RGS6: variants seen among roughly 807,000 people sequenced by gnomAD.
The protein encoded by RGS6 is regulator of G protein signaling 6, also known as regulator of G-protein signaling 6.
In RGS6, 30 loss-of-function variants were observed where a neutral mutation model predicts 78.5. That is an observed-to-expected ratio of 0.38 (90% confidence interval 0.29 to 0.52). The LOEUF (loss-of-function observed/expected upper bound fraction) is 0.52, where lower values mean the gene tolerates loss of function less well. Among genes scored for constraint, RGS6 ranks in the 20% least tolerant of loss-of-function variants. The pLI, the probability that RGS6 is intolerant of heterozygous loss-of-function variation, is 0.85. For missense variants in RGS6, 495 were observed against 609.7 expected (o/e 0.81, Z 1.98); for synonymous variants, 206 against 206.0 (o/e 1.00, Z 0.00).
intron 3 of RGS6, among the ~76,000 whole-genome samples, chr14:72,386,189 A>T (rs1471992906): frequency 2.6e-5 from 4 of 152,018 alleles, no homozygotes; most frequent in African/African-American, 9.7e-5. Flanking sequence ...ATTTTATCTT[A>T]CTTTCTCCCA....
At chr14:72,451,720 C>T (rs1878146860) in intron 3 of RGS6, among the ~76,000 whole-genome samples, 1 of 152,130 alleles carries the variant, frequency 6.6e-6, no homozygotes, top group Non-Finnish European at 1.5e-5. Flanking sequence ...TGCAGGAAAC[C>T]TCACAGTTTC....
At chr14:72,170,795 G>C (rs1333655552) in intron 2 of RGS6, among the ~76,000 whole-genome samples, 1 of 152,188 alleles carries the variant, frequency 6.6e-6, no homozygotes, top group East Asian at 1.9e-4. Flanking sequence ...AGCCCTTAAA[G>C]ATTAGCCTCT....
chr14:72,169,951 C>T (rs1428373286), intron 2 of RGS6, among the ~76,000 whole-genome samples: 2 of 152,076 alleles, frequency 1.3e-5, no homozygotes, highest in African/African-American at 4.8e-5. Flanking sequence ...GAAATATTGC[C>T]CTTTGAGATG....
chr14:72,269,801 G>A (rs1003616138), intron 2 of RGS6, among the ~76,000 whole-genome samples: 1 of 151,976 alleles, frequency 6.6e-6, no homozygotes, highest in African/African-American at 2.4e-5. Flanking sequence ...CTGACCTCTA[G>A]TGATCTGCCC....
At chr14:72,550,531 G>T in intron 17 of RGS6, 2 of 1,535,718 alleles carry the variant, frequency 1.3e-6, no homozygotes, top group South Asian at 1.2e-5. Flanking sequence ...AATGGAGATG[G>T]AGCATCCAAG....
chr14:72,284,685 C>A (rs943691557), intron 2 of RGS6, among the ~76,000 whole-genome samples: 2 of 152,226 alleles, frequency 1.3e-5, no homozygotes, highest in Non-Finnish European at 2.9e-5. Flanking sequence ...CCCACAGGGG[C>A]ACTGCCTAGG....
At chr14:72,016,186 G>A (rs900588938) in intron 2 of RGS6, among the ~76,000 whole-genome samples, 10 of 152,030 alleles carry the variant, frequency 6.6e-5, no homozygotes, top group Non-Finnish European at 1.5e-5. Context: ...CAAATGTAGT[G>A]TTTCACAGAC....
At chr14:72,032,204 G>A (rs2091011845) in intron 2 of RGS6, among the ~76,000 whole-genome samples, 1 of 152,080 alleles carries the variant, frequency 6.6e-6, no homozygotes, top group Non-Finnish European at 1.5e-5. Flanking sequence ...TTGGGGAAGT[G>A]GGAAGGGTAA....
chr14:72,449,636 G>A (rs543655868), intron 3 of RGS6, among the ~76,000 whole-genome samples: 12 of 152,322 alleles, frequency 7.9e-5, no homozygotes, highest in South Asian at 4.2e-4. Context: ...AGATCACTGC[G>A]TCTTACTCCC....
chr14:72,321,494 A>G, intron 2 of RGS6, among the ~76,000 whole-genome samples: 1 of 152,102 alleles, frequency 6.6e-6, no homozygotes, highest in South Asian at 2.1e-4. Context: ...AAACTTGAAA[A>G]TAGAAGGATG....
At chr14:72,268,215 G>C (rs17093774) in intron 2 of RGS6, among the ~76,000 whole-genome samples, 1,999 of 152,248 alleles carry the variant, frequency 0.013, 33 homozygotes, top group African/African-American at 0.045. Context: ...CATCTTTCTG[G>C]AGCATGGCGG....
Position 72,474,713 on chromosome 14 carries a change from G to T in RGS6, c.693+14G>T. 6.2e-7 allele frequency: 1 copy of T among 1,608,674 alleles called. No homozygotes were observed. The highest frequency in any genetic ancestry group is 8.5e-7 in the Non-Finnish European group (1 of 1,178,044). On this transcript the variant is annotated intron_variant, in intron 10 of 17. Coordinates refer to ENST00000553525, the MANE Select transcript of RGS6 (RefSeq NM_001204424.2). ...AAGGTTAAAAAGGTTCGCTAGTTTA[G>T]CTGAGTTAAAAATTCCTGATGTGAA...
chr14:72,613,467 C>T, the RGS6 span, among the ~76,000 whole-genome samples: 103 of 152,330 alleles, frequency 6.8e-4, no homozygotes, highest in Non-Finnish European at 1.1e-3. Flanking sequence ...ACTCCCTTCT[C>T]CTGGTGGAGC....
At chr14:72,263,425 G>A (rs2058509148) in intron 2 of RGS6, among the ~76,000 whole-genome samples, 1 of 152,118 alleles carries the variant, frequency 6.6e-6, no homozygotes, top group Non-Finnish European at 1.5e-5. Flanking sequence ...ACAGGCTGTT[G>A]ACATGATGGC....
chr14:72,453,813 A>T (rs971554192), intron 3 of RGS6, among the ~76,000 whole-genome samples: 2 of 151,958 alleles, frequency 1.3e-5, no homozygotes, highest in African/African-American at 4.8e-5. Flanking sequence ...CTCCCTGCCT[A>T]TTGTGGCTCT....
chr14:72,543,932 C>T (rs1458790502), intron 17 of RGS6, among the ~76,000 whole-genome samples: 2 of 152,212 alleles, frequency 1.3e-5, no homozygotes, highest in African/African-American at 4.8e-5. Context: ...GATGGGGTTT[C>T]ACCATATTGG....
intron 2 of RGS6, among the ~76,000 whole-genome samples, chr14:72,079,724 G>C (rs184060293): frequency 7.2e-5 from 11 of 152,188 alleles, no homozygotes; most frequent in Admixed American, 4.6e-4. Flanking sequence ...GGTAACCACT[G>C]TTTGAACTCT....
intron 2 of RGS6, among the ~76,000 whole-genome samples, chr14:71,985,225 G>A (rs2094646838): frequency 6.6e-6 from 1 of 152,150 alleles, no homozygotes; most frequent in African/African-American, 2.4e-5. Context: ...CTAAGTTCAA[G>A]TGATTCTCCT....
chr14:72,342,161 G>C (rs1295128325), intron 2 of RGS6, among the ~76,000 whole-genome samples: 1 of 152,124 alleles, frequency 6.6e-6, no homozygotes, highest in Non-Finnish European at 1.5e-5. Context: ...AATTCTCCTT[G>C]GTAGGCTGGG....
Sources: allele counts gnomAD v4.1 joint callset (sites outside exome capture counted in the v4.1 genomes callset), GRCh38; gene constraint gnomAD v4.1.1; transcripts MANE v1.5; gene names NCBI Gene and HGNC (gene_info 2026-07-23, HGNC 2026-07-21).